Variants in KDM3B observed in about 807,000 individuals in gnomAD.
The protein encoded by KDM3B is lysine demethylase 3B.
KDM3B carries 10 observed loss-of-function variants against 170.0 expected under a neutral mutation model. That is an observed-to-expected ratio of 0.06 (90% CI 0.04 to 0.10). The LOEUF is 0.10. Ranked by LOEUF, KDM3B falls within the 10% of genes least tolerant of loss-of-function variation. KDM3B has a pLI of 1.00. For missense variants in KDM3B, 1,394 were observed against 2,195.2 expected (o/e 0.64, Z 7.29); for synonymous variants, 831 against 834.8 (o/e 1.00, Z 0.08).
Position 138,429,691 on chromosome 5 carries a change from A to T in KDM3B, c.4754-135A>T, listed in dbSNP as rs144346501. ...GTGTAGGGAGCTTAGACCAGTATCA[A>T]TTTTCTGATTCTGCCTTACATTATT... On this transcript the variant is annotated intron_variant, in intron 20 of 23. Transcript: ENST00000314358. 93 of 930,956 alleles carry T rather than the reference A, an allele frequency of 1.0e-4. No homozygotes were observed. In the African/African-American group the frequency reaches 1.4e-3, roughly 14 times the overall value. 57.7% of individuals were successfully genotyped at this position (930,956 alleles called of 1,614,324 possible). A position where few individuals can be genotyped will look rare whatever the true frequency, so the allele number is the denominator to read the frequency against.
intron 11 of KDM3B, among the ~76,000 whole-genome samples, chr5:138,408,532 T>C (rs1209219329): frequency 6.6e-6 from 1 of 152,062 alleles, no homozygotes; most frequent in African/African-American, 2.4e-5. Context: ...ACACAGTCTT[T>C]CAGAAAATGG....
intron 11 of KDM3B, 24 bp downstream of exon 11, chr5:138,400,036 G>A: frequency 6.2e-7 from 1 of 1,611,312 alleles, no homozygotes; most frequent in Non-Finnish European, 8.5e-7. Context: ...GTCCTGTGTA[G>A]CTCGAAAGGT....
At position 138,372,733 on chromosome 5, in the gene KDM3B, T is replaced by C. The variant is rs200618275; in HGVS notation, c.252T>C (p.Ala84=). Residue 84 remains alanine, a synonymous_variant, in exon 2 of 24, where the codon GCT becomes GCC. Transcript: ENST00000314358. The part of the protein sequence containing the change: ...WKQHSWVKVH[A]EEVIVLLLEG... ...AACACTCCTGGGTAAAAGTTCATGC[T>C]GAGGAAGTTATCGTGCTTCTGCTGG... 3 of 1,614,114 alleles carry C rather than the reference T, an allele frequency of 1.9e-6. No individual in the cohort carries two copies. The highest frequency in any genetic ancestry group is 4.5e-5 in the East Asian group (2 of 44,880).
rs539056573 is a variant in KDM3B at position 138,396,181 on chromosome 5, C to T, written c.2832-1997C>T. 1.6e-4 allele frequency among the ~76,000 whole-genome samples: 24 copies of T among 151,986 alleles called. 1 individual carries two copies. The East Asian group carries it at 3.3e-3, about 21-fold the overall frequency. On this transcript the variant is annotated intron_variant, in intron 9 of 23. Coordinates refer to ENST00000314358, the MANE Select transcript of KDM3B (RefSeq NM_016604.4). Reference sequence around the variant, plus strand: ...CGCAATCTTGGCTCACTGCAATCTCCGCCTCCCGGGTTCACGCCATTCTCC... The same window carrying T: ...CGCAATCTTGGCTCACTGCAATCTCTGCCTCCCGGGTTCACGCCATTCTCC...
chr5:138,427,354 G>A (rs1763423121), intron 19 of KDM3B, 35 bp downstream of exon 19: 2 of 1,591,556 alleles, frequency 1.3e-6, no homozygotes, highest in African/African-American at 1.3e-5. Context: ...TCTTTTGGGG[G>A]ACTGTTGTTC....
At chr5:138,381,648 T>G in intron 6 of KDM3B, 58 bp downstream of exon 6, 1 of 1,057,168 alleles carries the variant, frequency 9.5e-7, no homozygotes, top group East Asian at 2.4e-5. Flanking sequence ...TCTTGCTGTG[T>G]GTAGATCCCT....
chr5:138,406,168 G>A (rs563659518), intron 11 of KDM3B, among the ~76,000 whole-genome samples: 23 of 151,672 alleles, frequency 1.5e-4, no homozygotes, highest in Non-Finnish European at 1.2e-4. Context: ...AACATAGCAA[G>A]ACTCCCATCT....
chr5:138,403,618 A>C (rs1762742877), intron 11 of KDM3B, among the ~76,000 whole-genome samples: 1 of 151,470 alleles, frequency 6.6e-6, no homozygotes. Flanking sequence ...CAGAGCTTGC[A>C]GTGAGCCAAG....
At chr5:138,400,094 G>T in intron 11 of KDM3B, 82 bp downstream of exon 11, 1 of 1,423,620 alleles carries the variant, frequency 7.0e-7, no homozygotes. Context: ...AATTGAGGCA[G>T]GAATGGGCTT....
At position 138,379,606 on chromosome 5, in the gene KDM3B, C is replaced by T. The variant is rs769331041; in HGVS notation, c.603C>T (p.His201=). Residue 201 remains histidine (H), a synonymous_variant, in exon 5 of 24, where the codon CAC becomes CAT. Transcript: ENST00000314358. ...TAGGTCCCTACAGTGTTCAAGGTCA[C>T]AGGGTCAAAATATATCAGCCAGAGG... ...FSRGPYSVQG[H]RVKIYQPEGE... The T allele has an allele frequency of 6.2e-7, 1 of 1,613,518 alleles. No individual in the cohort carries two copies. The highest frequency in any genetic ancestry group is 8.5e-7 in the Non-Finnish European group (1 of 1,179,682).
intron 9 of KDM3B, among the ~76,000 whole-genome samples, chr5:138,395,416 C>T (rs1406191515): frequency 1.3e-5 from 2 of 152,078 alleles, no homozygotes; most frequent in Admixed American, 1.3e-4. Context: ...TGAGGTATCC[C>T]AGAAGACAAC....
chr5:138,365,573 T>G (rs555910623), intron 1 of KDM3B, among the ~76,000 whole-genome samples: 1 of 152,164 alleles, frequency 6.6e-6, no homozygotes, highest in East Asian at 1.9e-4. Context: ...AGTATTCTTA[T>G]TGGCTTAGGT....
intron 1 of KDM3B, among the ~76,000 whole-genome samples, chr5:138,361,711 A>G (rs939127759): frequency 2.6e-5 from 4 of 152,164 alleles, no homozygotes; most frequent in African/African-American, 7.2e-5. Flanking sequence ...AATCCTATAC[A>G]GAGAAAAGAA....
chr5:138,354,749 T>G (rs1761409854), intron 1 of KDM3B, among the ~76,000 whole-genome samples: 1 of 152,200 alleles, frequency 6.6e-6, no homozygotes, highest in Admixed American at 6.5e-5. Context: ...TCTTGGAAAT[T>G]AAAGCAAAGA....
intron 1 of KDM3B, among the ~76,000 whole-genome samples, chr5:138,362,297 A>C (rs1277887775): frequency 6.6e-6 from 1 of 151,700 alleles, no homozygotes; most frequent in Non-Finnish European, 1.5e-5. Context: ...AGCCTGAAAA[A>C]AAAAACAAAA....
intron 1 of KDM3B, among the ~76,000 whole-genome samples, chr5:138,362,854 T>G (rs1010167216): frequency 2.0e-5 from 3 of 149,918 alleles, no homozygotes; most frequent in East Asian, 1.9e-4. Flanking sequence ...TCATTTACAT[T>G]AGGTATATCT....
chr5:138,392,010 C>G lies in KDM3B; in HGVS notation c.2378C>G (p.Ala793Gly), dbSNP rs1383525372. The G allele has an allele frequency of 1.2e-6, 2 of 1,613,950 alleles. No homozygotes were observed. Among genetic ancestry groups the G allele is most frequent in the Non-Finnish European group, 1.7e-6 (2 of 1,179,886 alleles). The change falls in exon 8 of 24, where the codon GCT (alanine) becomes GGT (glycine). Residue 793 changes from alanine to glycine, a missense_variant. Coordinates refer to ENST00000314358, the MANE Select transcript of KDM3B (RefSeq NM_016604.4). ...FSQENKAPFEAVKRFSLDERS... is the reference protein window; with the variant it reads ...FSQENKAPFEGVKRFSLDERS... ...CAGGAGAACAAAGCTCCTTTTGAAGCTGTGAAAAGGTTCTCACTGGATGAA... is the reference window on the plus strand; with the variant it reads ...CAGGAGAACAAAGCTCCTTTTGAAGGTGTGAAAAGGTTCTCACTGGATGAA...
chr5:138,364,541 A>C (rs1313429618), intron 1 of KDM3B, among the ~76,000 whole-genome samples: 1 of 152,056 alleles, frequency 6.6e-6, no homozygotes, highest in African/African-American at 2.4e-5. Flanking sequence ...GAGTGGTATG[A>C]TAGACACTGA....
rs1561773668 is a variant in KDM3B, at chr5:138,391,579, C to CAGT, written c.1951_1953dup (p.Ser651dup). The CAGT allele has an allele frequency of 6.2e-7, 1 of 1,614,148 alleles. No homozygotes were observed. The highest frequency in any genetic ancestry group is 1.7e-5 in the Admixed American group (1 of 60,028). On this transcript the variant is annotated inframe_insertion, in exon 8 of 24. Transcript: ENST00000314358. This position sits in a 1 kb window ranked among gnomAD's most constrained non-coding sequence, Gnocchi z 5.0. ...TGGAGAAAGTTGAACACAGCCCTTTCAGTAGTTTTGCATCTCAGGCATCAG... is the reference window on the plus strand; with the variant it reads ...TGGAGAAAGTTGAACACAGCCCTTTCAGTAGTAGTTTTGCATCTCAGGCATCAG...
Sources: allele counts gnomAD v4.1 joint callset (sites outside exome capture counted in the v4.1 genomes callset), GRCh38; gene constraint gnomAD v4.1.1; non-coding constraint Gnocchi (gnomAD v3.1); transcripts MANE v1.5; gene names NCBI Gene and HGNC (gene_info 2026-07-23, HGNC 2026-07-21).